The following MIP variants were observed in gnomAD, a reference collection of about 807,000 sequenced individuals.
MIP encodes lens fiber major intrinsic protein.
In MIP, 14 loss-of-function variants were observed where a neutral mutation model predicts 21.8. That is an observed-to-expected ratio of 0.64 (90% CI 0.42 to 1.00). The LOEUF is 1.00. Ranked by LOEUF, MIP falls within the 50% of genes least tolerant of loss-of-function variation. The pLI, the probability that MIP is intolerant of heterozygous loss-of-function variation, is 0.00. For synonymous variants in MIP, 133 were observed against 141.4 expected (o/e 0.94, Z 0.42); for missense variants, 260 against 333.5 (o/e 0.78, Z 1.72).
At chr12:56,456,079 C>T (rs1565695373), upstream of MIP, among the ~76,000 whole-genome samples, 1 of 152,184 alleles carries the variant, frequency 6.6e-6, no homozygotes, top group Non-Finnish European at 1.5e-5. Context: ...AGAAGAGAAA[C>T]AGTCCACTAG....
rs1868549298 is a variant in MIP at position 56,450,306 on chromosome 12, C to G, written c.*974G>C. The G allele has an allele frequency of 6.6e-6, 1 of 152,260 alleles. No homozygotes were observed. The highest frequency in any genetic ancestry group is 6.5e-5 in the Admixed American group (1 of 15,282). The allele number at this position is 152,260 out of a possible 1,614,324, so 9.4% of individuals were successfully genotyped here. On this transcript the variant is annotated 3_prime_UTR_variant, in exon 4 of 4. Transcript: ENST00000652304. Reference sequence around the variant, plus strand: ...AGAACAGAGTCAAAGCCTCTCCCCTCATGCCCCCTACTACCACCCGTTCAT... The same window carrying G: ...AGAACAGAGTCAAAGCCTCTCCCCTGATGCCCCCTACTACCACCCGTTCAT...
upstream of MIP, among the ~76,000 whole-genome samples, chr12:56,455,378 G>A (rs559746812): frequency 7.2e-5 from 11 of 152,230 alleles, no homozygotes; most frequent in African/African-American, 2.6e-4. Context: ...GGCTGGGAGT[G>A]GGGTTGGAGG....
rs1375283315 is a variant in MIP at position 56,451,444 on chromosome 12, T to C, written c.628A>G (p.Ile210Val). Residue 210 changes from isoleucine (I) to valine (V), a missense_variant, in exon 4 of 4, where the codon ATT becomes GTT. Physicochemically the swap from Ile to Val is conservative, Grantham distance 29 (BLOSUM62 3). Coordinates refer to ENST00000652304, the MANE Select transcript of MIP (RefSeq NM_012064.4). Reference protein sequence around the residue: ...NHWVYWVGPIIGGGLGSLLYD... With the variant: ...NHWVYWVGPIVGGGLGSLLYD... Reference sequence around the variant, plus strand: ...AGGAGGCTGCCCAGACCCCCTCCAATGATTGGGCCTACCCAGTACACCTGT... The same window carrying C: ...AGGAGGCTGCCCAGACCCCCTCCAACGATTGGGCCTACCCAGTACACCTGT... 3.1e-6 allele frequency: 5 copies of C among 1,614,094 alleles called. No individual in the cohort carries two copies. The highest frequency in any genetic ancestry group is 4.2e-6 in the Non-Finnish European group (5 of 1,180,010).
chr12:56,454,315 C>T lies in MIP; in HGVS notation c.299G>A (p.Gly100Glu). Residue 100 changes from glycine (G) to glutamate (E), a missense_variant, in exon 1 of 4, where the codon GGG (glycine) becomes GAG (glutamate). Transcript: ENST00000652304. ...GGTAACGCTATACAGCACAGCGGCC[C>T]CAGCCACAGCTCCCAGGAGCTGGGC... Reference protein sequence around the residue: ...MAAQLLGAVAGAAVLYSVTPP... With the variant: ...MAAQLLGAVAEAAVLYSVTPP... The T allele has an allele frequency of 1.9e-6, 3 of 1,613,968 alleles. No homozygotes were observed. Among genetic ancestry groups the T allele is most frequent in the Non-Finnish European group, 2.5e-6 (3 of 1,180,016 alleles).
At chr12:56,452,938 T>C in intron 3 of MIP, 134 bp downstream of exon 3, 1 of 745,786 alleles carries the variant, frequency 1.3e-6, no homozygotes, top group Non-Finnish European at 2.5e-6. Flanking sequence ...TGCCAAACTC[T>C]CTGACAGCCC....
chr12:56,450,680 C>G lies in MIP; in HGVS notation c.*600G>C, dbSNP rs1447047293. On this transcript the variant is annotated 3_prime_UTR_variant, in exon 4 of 4. Transcript: ENST00000652304. ...CTAAGATAAGTAGGCTATATATTCC[C>G]ATTAACTTCCCCCCAATTCTTCGGT... is the stretch of plus-strand genomic sequence containing the variant. 1.3e-5 allele frequency: 2 copies of G among 153,904 alleles called. No individual in the cohort carries two copies. Among genetic ancestry groups the G allele is most frequent in the African/African-American group, 2.4e-5 (1 of 41,430 alleles). 9.5% of individuals were successfully genotyped at this position (153,904 alleles called of 1,614,324 possible). A position where few individuals can be genotyped will look rare whatever the true frequency, so the allele number is the denominator to read the frequency against.
At chr12:56,454,127 C>T (rs1330323381) in intron 1 of MIP, 127 bp downstream of exon 1, 4 of 1,324,010 alleles carry the variant, frequency 3.0e-6, no homozygotes, top group Admixed American at 1.8e-5. Flanking sequence ...CTTCAACACA[C>T]ACATGCTCAC....
At chr12:56,453,382 C>T (rs571711643) in intron 2 of MIP, among the ~76,000 whole-genome samples, 4 of 152,306 alleles carry the variant, frequency 2.6e-5, no homozygotes, top group African/African-American at 9.6e-5. Flanking sequence ...AGCCATGATA[C>T]GTTCATTTCT....
chr12:56,453,576 C>G lies in MIP; in HGVS notation c.525+15G>C. Reference sequence around the variant, plus strand: ...CGGAATCCTTGAATGAGAAGTTGCTCTCCTTCCTGCTTACCCCAAAGAGGT... The same window carrying G: ...CGGAATCCTTGAATGAGAAGTTGCTGTCCTTCCTGCTTACCCCAAAGAGGT... On this transcript the variant is annotated intron_variant, in intron 2 of 3. Coordinates refer to ENST00000652304, the MANE Select transcript of MIP (RefSeq NM_012064.4). The G allele has an allele frequency of 6.2e-7, 1 of 1,614,232 alleles. No homozygotes were observed. Among genetic ancestry groups the G allele is most frequent in the African/African-American group, 1.3e-5 (1 of 75,062 alleles).
chr12:56,454,180 T>G, intron 1 of MIP, 74 bp downstream of exon 1: 2 of 1,601,170 alleles, frequency 1.2e-6, no homozygotes, highest in Admixed American at 1.7e-5. Flanking sequence ...CTGATTCACC[T>G]GCACCAGTCA....
In MIP at chr12:56,453,065, C is replaced by T. The variant is rs1565694137; in HGVS notation, c.606+7G>A. The stretch of plus-strand genomic sequence containing the variant: ...CTTCAGGATCTTGCCCCTCTCCCTT[C>T]ACTCACCCAGTGGTTAGTGAAGTTC... On this transcript the variant is annotated splice_region_variant and intron_variant, in intron 3 of 3. Transcript: ENST00000652304. 1.9e-6 allele frequency: 3 copies of T among 1,599,402 alleles called. No individual in the cohort carries two copies. Among genetic ancestry groups the T allele is most frequent in the African/African-American group, 2.7e-5 (2 of 74,672 alleles).
rs1416520815 is a variant in MIP, at chr12:56,450,976, TTCC to T, written c.*301_*303del. On this transcript the variant is annotated 3_prime_UTR_variant, in exon 4 of 4. Coordinates refer to ENST00000652304, the MANE Select transcript of MIP (RefSeq NM_012064.4). Reference sequence around the variant, plus strand: ...GGTATAGGATGGCACCTCTTTTTGCTTCCTTAGCTCTCATGCCCCAAAACTCAG... The same window carrying T: ...GGTATAGGATGGCACCTCTTTTTGCTTTAGCTCTCATGCCCCAAAACTCAG... 1.5e-5 allele frequency: 6 copies of T among 398,164 alleles called. No individual in the cohort carries two copies. The highest frequency in any genetic ancestry group is 2.8e-5 in the Non-Finnish European group (6 of 215,374). 24.7% of individuals were successfully genotyped at this position (398,164 alleles called of 1,614,324 possible). A position where few individuals can be genotyped will look rare whatever the true frequency, so the allele number is the denominator to read the frequency against.
chr12:56,451,731 A>G (rs916776824), intron 3 of MIP, among the ~76,000 whole-genome samples: 4 of 152,226 alleles, frequency 2.6e-5, no homozygotes, highest in Non-Finnish European at 4.4e-5. Flanking sequence ...AAAATTTACC[A>G]TATTAAATAT....
rs758556690 is a variant in MIP at position 56,453,707 on chromosome 12, G to A, written c.409C>T (p.Leu137=). Residue 137 remains leucine (L), a synonymous_variant, in exon 2 of 4, where the codon CTG becomes TTG. Transcript: ENST00000652304. ...ATGCAGAGCACGAACTGGAGCGTCAGGAAGATCTCCACTGTGGTTGCCTGG... is the reference window on the plus strand; with the variant it reads ...ATGCAGAGCACGAACTGGAGCGTCAAGAAGATCTCCACTGTGGTTGCCTGG... ...VGQATTVEIF[L]TLQFVLCIFA... is the part of the protein sequence containing the mutation. 2.4e-5 allele frequency: 38 copies of A among 1,613,996 alleles called. No individual in the cohort carries two copies. Among genetic ancestry groups the A allele is most frequent in the Non-Finnish European group, 3.1e-5 (36 of 1,180,014 alleles).
At chr12:56,454,744 C>T (rs1190439851), upstream of MIP, 11 of 1,130,006 alleles carry the variant, frequency 9.7e-6, no homozygotes, top group Non-Finnish European at 1.4e-5. Flanking sequence ...AGCCTCTTAA[C>T]CCCTTCACAG....
chr12:56,450,786 C>G lies in MIP; in HGVS notation c.*494G>C, dbSNP rs890764136. On this transcript the variant is annotated 3_prime_UTR_variant, in exon 4 of 4. Coordinates refer to ENST00000652304, the MANE Select transcript of MIP (RefSeq NM_012064.4). The stretch of plus-strand genomic sequence containing the variant: ...AGTCCCTTCTCCTAACCCTTGGAAG[C>G]CTTGTCTCCTCCACTTCTCTCCATC... 3 of 167,398 alleles carry G rather than the reference C, an allele frequency of 1.8e-5. No homozygotes were observed. Among genetic ancestry groups the G allele is most frequent in the Admixed American group, 5.7e-5 (1 of 17,642 alleles). The allele number at this position is 167,398 out of a possible 1,614,324, so 10.4% of individuals were successfully genotyped here.
chr12:56,452,139 C>T (rs1171576239), intron 3 of MIP, among the ~76,000 whole-genome samples: 1 of 152,162 alleles, frequency 6.6e-6, no homozygotes, highest in Non-Finnish European at 1.5e-5. Flanking sequence ...AGAACTTTTT[C>T]ATCTTGCAAA....
At chr12:56,454,799 A>T (rs2136167244), upstream of MIP, among the ~76,000 whole-genome samples, 1 of 152,046 alleles carries the variant, frequency 6.6e-6, no homozygotes, top group African/African-American at 2.4e-5. Flanking sequence ...AAAATGCTGG[A>T]TTTTCCCGCC....
At position 56,453,671 on chromosome 12, in the gene MIP, A is replaced by G; in HGVS notation, c.445T>C (p.Tyr149His). The part of the protein sequence containing the change: ...LQFVLCIFAT[Y>H]DERRNGQLGS... Reference sequence around the variant, plus strand: ...AGTTGGCCATTCCGCCTCTCGTCGTATGTGGCAAAGATGCAGAGCACGAAC... The same window carrying G: ...AGTTGGCCATTCCGCCTCTCGTCGTGTGTGGCAAAGATGCAGAGCACGAAC... Residue 149 changes from tyrosine (Y) to histidine (H), a missense_variant, in exon 2 of 4, where the codon TAC becomes CAC. Physicochemically the swap from Tyr to His is moderately conservative, Grantham distance 83. Transcript: ENST00000652304. The G allele has an allele frequency of 1.2e-6, 2 of 1,614,222 alleles. No individual in the cohort carries two copies. Among genetic ancestry groups the G allele is most frequent in the Non-Finnish European group, 1.7e-6 (2 of 1,180,040 alleles).
Sources: allele counts gnomAD v4.1 joint callset (sites outside exome capture counted in the v4.1 genomes callset), GRCh38; gene constraint gnomAD v4.1.1; transcripts MANE v1.5; gene names NCBI Gene and HGNC (gene_info 2026-07-23, HGNC 2026-07-21).